Variants in THOC5 observed in about 807,000 individuals in gnomAD.
THOC5 encodes THO complex subunit 5.
THOC5 carries 43 observed loss-of-function variants against 92.9 expected under a neutral mutation model. That is an observed-to-expected ratio of 0.46 (90% CI 0.36 to 0.60). The LOEUF (loss-of-function observed/expected upper bound fraction) is 0.60, where lower values mean the gene tolerates loss of function less well. Ranked by LOEUF, THOC5 falls within the 20% of genes least tolerant of loss-of-function variation. The pLI is 0.00. For missense variants in THOC5, 659 were observed against 849.4 expected (o/e 0.78, Z 2.79); for synonymous variants, 296 against 320.1 (o/e 0.92, Z 0.80).
chr22:29,551,196 G>C (rs879693094), intron 1 of THOC5, among the ~76,000 whole-genome samples: 1 of 152,140 alleles, frequency 6.6e-6, no homozygotes. Context: ...CACTTTGGGA[G>C]GCTGAGGCGG....
At chr22:29,544,923 AC>A (rs1483507161) in intron 2 of THOC5, 2 of 286,718 alleles carry the variant, frequency 7.0e-6, no homozygotes, top group African/African-American at 4.5e-5. Flanking sequence ...GGATAAATAA[AC>A]ATTTTATTTG....
At position 29,528,141 on chromosome 22, in the gene THOC5, C is replaced by T. The variant is rs2063579448; in HGVS notation, c.1003G>A (p.Asp335Asn). Residue 335 changes from aspartate to asparagine, a missense_variant, in exon 11 of 20, where the codon GAC (aspartate) becomes AAC (asparagine). Physicochemically the swap from Asp to Asn is conservative, Grantham distance 23. Transcript: ENST00000490103. ...CTCTTCAGCATCTCCTTGCGTTTGT[C>T]GTCCAACTGAACCCCCAGTGTGGGT... Reference protein sequence around the residue: ...RRPTLGVQLDDKRKEMLKRHP... With the variant: ...RRPTLGVQLDNKRKEMLKRHP... The T allele has an allele frequency of 1.2e-6, 2 of 1,614,044 alleles. No homozygotes were observed. The highest frequency in any genetic ancestry group is 1.1e-5 in the South Asian group (1 of 91,080).
At position 29,543,476 on chromosome 22, in the gene THOC5, G is replaced by A. The variant is rs2063945113; in HGVS notation, c.307C>T (p.Arg103Ter). The change falls in exon 4 of 20, where the codon CGA becomes TGA. Residue 103 changes from arginine to a stop codon, truncating the protein, a stop_gained. Transcript: ENST00000490103. LOFTEE classifies it high-confidence loss of function. ...TTCTTCAACCTGATGTGGGCTAATC[G>A]GTTAAGCTTCTTTAGAGTCATGAAA... Reference protein sequence around the residue: ...VHFMTLKKLNRLAHIRLKKGR... With the variant: ...VHFMTLKKLN The A allele has an allele frequency of 3.1e-6, 5 of 1,613,966 alleles. No individual in the cohort carries two copies. Among genetic ancestry groups the A allele is most frequent in the East Asian group, 2.2e-5 (1 of 44,878 alleles).
At position 29,544,625 on chromosome 22, in the gene THOC5, C is replaced by T. The variant is rs576607824; in HGVS notation, c.97-22G>A. On this transcript the variant is annotated intron_variant, in intron 2 of 19. Coordinates refer to ENST00000490103, the MANE Select transcript of THOC5 (RefSeq NM_003678.5). Reference sequence around the variant, plus strand: ...CTTCCTGTAGAGGTAAGGATAAAGGCTCTGTGTGCATGGGGTAAAAGTCTC... The same window carrying T: ...CTTCCTGTAGAGGTAAGGATAAAGGTTCTGTGTGCATGGGGTAAAAGTCTC... 6 of 1,578,612 alleles carry T rather than the reference C, an allele frequency of 3.8e-6. No homozygotes were observed. The South Asian group carries it at 6.9e-5, about 18-fold the overall frequency.
intron 6 of THOC5, among the ~76,000 whole-genome samples, chr22:29,538,159 T>C (rs982597904): frequency 1.3e-5 from 2 of 151,984 alleles, no homozygotes; most frequent in Non-Finnish European, 2.9e-5. Context: ...ATTTTTTATA[T>C]TTTTAGTAGA....
rs555081013 is a variant in THOC5, at chr22:29,522,754, G to A, written c.1176-1655C>T. On this transcript the variant is annotated intron_variant, in intron 12 of 19. Coordinates refer to ENST00000490103, the MANE Select transcript of THOC5 (RefSeq NM_003678.5). Reference sequence around the variant, plus strand: ...GTGGTGGCTCACGCCTGTAATCCCAGCACTTTGGGAGGCCGAGGCGGGCAG... The same window carrying A: ...GTGGTGGCTCACGCCTGTAATCCCAACACTTTGGGAGGCCGAGGCGGGCAG... 1.6e-4 allele frequency among the ~76,000 whole-genome samples: 25 copies of A among 152,230 alleles called. No homozygotes were observed. In the South Asian group the frequency reaches 5.0e-3, roughly 30 times the overall value.
chr22:29,527,448 G>A (rs2063566815), intron 11 of THOC5, among the ~76,000 whole-genome samples: 1 of 151,312 alleles, frequency 6.6e-6, no homozygotes. Flanking sequence ...CAAACAACCA[G>A]CAAAAAGAAA....
intron 17 of THOC5, among the ~76,000 whole-genome samples, chr22:29,513,166 T>C (rs1214693094): frequency 6.7e-6 from 1 of 149,766 alleles, no homozygotes; most frequent in Non-Finnish European, 1.5e-5. Context: ...CTGGCTAACA[T>C]GGTGAAACCC....
intron 15 of THOC5, among the ~76,000 whole-genome samples, chr22:29,518,551 G>C (rs771938653): frequency 1.3e-5 from 2 of 152,184 alleles, no homozygotes; most frequent in African/African-American, 2.4e-5. Context: ...AGGGATATGC[G>C]AGTTGCTCCC....
intron 6 of THOC5, among the ~76,000 whole-genome samples, chr22:29,538,745 C>T (rs71329496): frequency 8.6e-5 from 11 of 127,814 alleles, no homozygotes; most frequent in African/African-American, 2.7e-4. Context: ...TGAAGTGAGT[C>T]GTGATAGTGC....
At position 29,533,986 on chromosome 22, in the gene THOC5, G is replaced by C. The variant is rs534461170; in HGVS notation, c.715-2023C>G. Among the ~76,000 whole-genome samples the C allele has an allele frequency of 2.0e-5, 3 of 152,118 alleles. No homozygotes were observed. In the South Asian group the frequency reaches 6.2e-4, roughly 32 times the overall value. On this transcript the variant is annotated intron_variant, in intron 7 of 19. Transcript: ENST00000490103. ...TGTATGACCTAGAATTTCATTCCTG[G>C]GTATATATTCAACAGACAGATGTAC... is the stretch of plus-strand genomic sequence containing the variant.
intron 12 of THOC5, among the ~76,000 whole-genome samples, chr22:29,522,367 T>TAAATA (rs149441641): frequency 0.022 from 3,233 of 149,452 alleles, 119 homozygotes; most frequent in African/African-American, 0.07. Context: ...CTCAAAAAAA[T>TAAATA]AAATAAAATA....
chr22:29,553,171 C>T (rs2064212014), intron 1 of THOC5, among the ~76,000 whole-genome samples: 4 of 152,146 alleles, frequency 2.6e-5, no homozygotes, highest in East Asian at 1.9e-4. Context: ...GCTGACCTTC[C>T]CTCCACTATT....
intron 6 of THOC5, among the ~76,000 whole-genome samples, chr22:29,538,040 T>C (rs1442228849): frequency 6.6e-6 from 1 of 152,202 alleles, no homozygotes; most frequent in Non-Finnish European, 1.5e-5. Flanking sequence ...TAGAGTGCAG[T>C]GGCGCAATCT....
chr22:29,520,713 A>C (rs2063423854), intron 13 of THOC5, among the ~76,000 whole-genome samples: 1 of 152,134 alleles, frequency 6.6e-6, no homozygotes, highest in South Asian at 2.1e-4. Context: ...CCAGGCTGGT[A>C]TCGAACTCCT....
intron 19 of THOC5, among the ~76,000 whole-genome samples, chr22:29,509,612 A>G (rs1019394699): frequency 8.0e-5 from 12 of 150,898 alleles, no homozygotes; most frequent in African/African-American, 2.9e-4. Flanking sequence ...GCTGTCTGAG[A>G]ACAAGGTGAG....
At chr22:29,509,870 G>A (rs1293026330) in intron 19 of THOC5, among the ~76,000 whole-genome samples, 6 of 149,362 alleles carry the variant, frequency 4.0e-5, no homozygotes, top group East Asian at 2.0e-4. Flanking sequence ...AGAACAAGGT[G>A]AGGGAGAGGT....
chr22:29,510,315 G>GTCT (rs2063199781), intron 19 of THOC5, among the ~76,000 whole-genome samples: 1 of 152,160 alleles, frequency 6.6e-6, no homozygotes, highest in Admixed American at 6.5e-5. Context: ...AGAAAATAGG[G>GTCT]GTCAGGCACA....
chr22:29,531,592 G>A (rs955140859), intron 8 of THOC5: 1 of 1,249,812 alleles, frequency 8.0e-7, no homozygotes, highest in Non-Finnish European at 1.0e-6. Context: ...GAGCTGTCCA[G>A]CCAGGCTCAC....
Sources: allele counts gnomAD v4.1 joint callset (sites outside exome capture counted in the v4.1 genomes callset), GRCh38; gene constraint gnomAD v4.1.1; transcripts MANE v1.5; gene names NCBI Gene and HGNC (gene_info 2026-07-23, HGNC 2026-07-21).